The following MAP3K1 variants were observed in gnomAD, a reference collection of about 807,000 sequenced individuals.
The protein encoded by MAP3K1 is mitogen-activated protein kinase kinase kinase 1.
A neutral mutation model predicts 144.2 loss-of-function variants in MAP3K1; 36 were observed. That is an observed-to-expected ratio of 0.25 (90% confidence interval 0.19 to 0.33). MAP3K1 has a LOEUF of 0.33. Among genes scored for constraint, MAP3K1 ranks in the 10% least tolerant of loss-of-function variants. The probability of loss-of-function intolerance (pLI) is 1.00; values close to 1 mark genes in which losing one functional copy is unlikely to be tolerated. For synonymous variants in MAP3K1, 718 were observed against 688.7 expected (o/e 1.04, Z -0.67); for missense variants, 1,650 against 1,881.9 (o/e 0.88, Z 2.28).
intron 1 of MAP3K1, among the ~76,000 whole-genome samples, chr5:56,825,899 C>T (rs535664939): frequency 6.6e-6 from 1 of 152,132 alleles, no homozygotes; most frequent in South Asian, 2.1e-4. Flanking sequence ...TTCAGCAGCC[C>T]CTCAGAATGG....
chr5:56,870,154 G>A (rs77936161), intron 6 of MAP3K1, among the ~76,000 whole-genome samples: 1,700 of 152,206 alleles, frequency 0.011, 19 homozygotes, highest in Non-Finnish European at 0.014. Context: ...GGCAAAAACC[G>A]CAATTACTTT....
chr5:56,837,939 C>T (rs964931900), intron 1 of MAP3K1, among the ~76,000 whole-genome samples: 83 of 152,088 alleles, frequency 5.5e-4, no homozygotes, highest in African/African-American at 1.8e-3. Context: ...CAAGGGGACC[C>T]TAGAGCTTCA....
Position 56,895,204 on chromosome 5 carries a change from A to G in MAP3K1, c.*1524A>G, listed in dbSNP as rs1322752120. 4 of 231,934 alleles carry G rather than the reference A, an allele frequency of 1.7e-5. No homozygotes were observed. The highest frequency in any genetic ancestry group is 1.2e-4 in the East Asian group (2 of 16,382). The allele number at this position is 231,934 out of a possible 1,614,324, so 14.4% of individuals were successfully genotyped here. A position where few individuals can be genotyped will look rare whatever the true frequency, so the allele number is the denominator to read the frequency against. On this transcript the variant is annotated 3_prime_UTR_variant, in exon 20 of 20. Transcript: ENST00000399503. ...AGTTTACAGGGATATATTGCTTACA[A>G]TTTTTAAAAGGCAGTTTGTTTTTTA... is the stretch of plus-strand genomic sequence containing the variant.
Position 56,872,626 on chromosome 5 carries a change from T to G in MAP3K1, c.1424-15T>G. 6.9e-7 allele frequency: 1 copy of G among 1,459,574 alleles called. No homozygotes were observed. The highest frequency in any genetic ancestry group is 9.6e-7 in the Non-Finnish European group (1 of 1,042,126). The allele number at this position is 1,459,574 out of a possible 1,614,324, so 90.4% of individuals were successfully genotyped here. ...ATTTACATTTTTGTAAGATTTTGTT[T>G]CTGTAATTTTTCAGGGGCAGAAGAG... On this transcript the variant is annotated splice_polypyrimidine_tract_variant and intron_variant, in intron 7 of 19. Transcript: ENST00000399503.
chr5:56,823,030 C>T (rs1002971989), intron 1 of MAP3K1, among the ~76,000 whole-genome samples: 2 of 152,138 alleles, frequency 1.3e-5, no homozygotes, highest in East Asian at 1.9e-4. Flanking sequence ...CTTTGCTGTC[C>T]GTTCCAATCT....
chr5:56,883,713 T>G, intron 15 of MAP3K1, 34 bp downstream of exon 15: 1 of 1,606,302 alleles, frequency 6.2e-7, no homozygotes, highest in Non-Finnish European at 8.5e-7. Context: ...ATGAAATGAC[T>G]CAAATCACAA....
intron 1 of MAP3K1, among the ~76,000 whole-genome samples, chr5:56,833,418 C>T (rs545945489): frequency 1.3e-5 from 2 of 152,146 alleles, no homozygotes; most frequent in Non-Finnish European, 2.9e-5. Flanking sequence ...CCCAGACTGT[C>T]TGACATGCTT....
At chr5:56,854,216 C>G (rs1747263266) in intron 1 of MAP3K1, among the ~76,000 whole-genome samples, 1 of 151,770 alleles carries the variant, frequency 6.6e-6, no homozygotes, top group Admixed American at 6.6e-5. Flanking sequence ...GGTGGATCAC[C>G]TGAGGTCAGG....
chr5:56,881,613 A>G lies in MAP3K1; in HGVS notation c.2413A>G (p.Ile805Val). 1 of 1,613,952 alleles carries G rather than the reference A, an allele frequency of 6.2e-7. No homozygotes were observed. The change falls in exon 14 of 20, where the codon ATT becomes GTT. Residue 805 changes from isoleucine to valine, a missense_variant. Ile to Val is a conservative substitution (Grantham distance 29). This residue lies in a region of MAP3K1 where 841 missense variants were observed against 886.5 expected (regional missense o/e 0.95). Transcript: ENST00000399503. ...CCTCTTAACCTTTGCTTTGCAGTCCATTGATAATTCCCACTCAATGGTTGG... is the reference window on the plus strand; with the variant it reads ...CCTCTTAACCTTTGCTTTGCAGTCCGTTGATAATTCCCACTCAATGGTTGG... ...LSLLTFALQS[I>V]DNSHSMVGKL... is the part of the protein sequence containing the mutation.
chr5:56,838,018 G>C (rs1474043742), intron 1 of MAP3K1, among the ~76,000 whole-genome samples: 1 of 152,030 alleles, frequency 6.6e-6, no homozygotes, highest in Non-Finnish European at 1.5e-5. Flanking sequence ...GATAAACTAG[G>C]GTTTTATTTT....
intron 1 of MAP3K1, chr5:56,842,000 C>A (rs774802929): frequency 2.0e-5 from 3 of 152,146 alleles, no homozygotes; most frequent in Non-Finnish European, 4.4e-5. Context: ...TAATAAACAG[C>A]CAGAAAACCT....
Position 56,881,210 on chromosome 5 carries a change from T to G in MAP3K1, c.2307T>G (p.Pro769=), listed in dbSNP as rs1228040309. 7.4e-6 allele frequency: 12 copies of G among 1,613,708 alleles called. No homozygotes were observed. ...CLIDRLLLEF[P]AEFYPHIVST... is the part of the protein sequence containing the mutation. ...TAGATAGACTGTTGTTGGAATTTCCTGCTGAATTTTATCCTCATATTGTCA... is the reference window on the plus strand; with the variant it reads ...TAGATAGACTGTTGTTGGAATTTCCGGCTGAATTTTATCCTCATATTGTCA... Residue 769 remains proline, a synonymous_variant, in exon 13 of 20, where the codon CCT becomes CCG. Transcript: ENST00000399503.
intron 12 of MAP3K1, 73 bp downstream of exon 12, chr5:56,880,875 A>C: frequency 7.9e-7 from 1 of 1,261,000 alleles, no homozygotes; most frequent in Non-Finnish European, 1.2e-6. Flanking sequence ...TAATCTCATA[A>C]TCTCTCATGA....
rs561531146 is a variant in MAP3K1, at chr5:56,872,996, A to G, written c.1677A>G (p.Pro559=). 6 of 1,613,668 alleles carry G rather than the reference A, an allele frequency of 3.7e-6. No individual in the cohort carries two copies. Among genetic ancestry groups the G allele is most frequent in the Non-Finnish European group, 5.1e-6 (6 of 1,179,764 alleles). ...IPPAYKDLAE[P]WIQVFGMELV... ...CTGCTTACAAAGATTTAGCTGAGCC[A>G]TGGATTCAGGTAAGTAGTTCTTTGT... is the stretch of plus-strand genomic sequence containing the variant. Residue 559 remains proline (P), a synonymous_variant, in exon 9 of 20, where the codon CCA becomes CCG. Transcript: ENST00000399503.
chr5:56,838,324 T>TA (rs1206014179), intron 1 of MAP3K1, among the ~76,000 whole-genome samples: 1 of 152,194 alleles, frequency 6.6e-6, no homozygotes, highest in African/African-American at 2.4e-5. Flanking sequence ...AGAAAACAGT[T>TA]ATGATGAATG....
chr5:56,893,923 G>A lies in MAP3K1; in HGVS notation c.*243G>A. 1.9e-6 allele frequency: 1 copy of A among 536,616 alleles called. No individual in the cohort carries two copies. Among genetic ancestry groups the A allele is most frequent in the Non-Finnish European group, 3.4e-6 (1 of 297,856 alleles). 33.2% of individuals were successfully genotyped at this position (536,616 alleles called of 1,614,324 possible). On this transcript the variant is annotated 3_prime_UTR_variant, in exon 20 of 20. Coordinates refer to ENST00000399503, the MANE Select transcript of MAP3K1 (RefSeq NM_005921.2). ...GCCTTTCAAAGAACTGGCCCTAGGT[G>A]AACAGGAAAACAATGAAGTTTGCAT...
intron 9 of MAP3K1, among the ~76,000 whole-genome samples, chr5:56,874,795 T>C (rs1423358802): frequency 4.6e-5 from 7 of 152,214 alleles, no homozygotes; most frequent in Non-Finnish European, 8.8e-5. Flanking sequence ...GAGCTTATTA[T>C]TAATTTTACC....
At chr5:56,853,268 A>G (rs1216934103) in intron 1 of MAP3K1, among the ~76,000 whole-genome samples, 1 of 152,216 alleles carries the variant, frequency 6.6e-6, no homozygotes, top group Non-Finnish European at 1.5e-5. Context: ...AATGACATGT[A>G]ATTATTACAA....
In MAP3K1 at chr5:56,880,667, T is replaced by G. The variant is rs376267905; in HGVS notation, c.2088-44T>G. The G allele has an allele frequency of 2.7e-5, 36 of 1,331,150 alleles. No individual in the cohort carries two copies. The African/African-American group carries it at 3.6e-4, about 13-fold the overall frequency. 82.5% of individuals were successfully genotyped at this position (1,331,150 alleles called of 1,614,324 possible). On this transcript the variant is annotated intron_variant, in intron 11 of 19. Coordinates refer to ENST00000399503, the MANE Select transcript of MAP3K1 (RefSeq NM_005921.2). Reference sequence around the variant, plus strand: ...TACTCCTCTAATATTGTATAGTGTTTTAGCCAAGATCCAGGATTGATGTTG... The same window carrying G: ...TACTCCTCTAATATTGTATAGTGTTGTAGCCAAGATCCAGGATTGATGTTG...
Sources: allele counts gnomAD v4.1 joint callset (sites outside exome capture counted in the v4.1 genomes callset), GRCh38; gene constraint gnomAD v4.1.1; regional missense constraint gnomAD v4.1.1; transcripts MANE v1.5; gene names NCBI Gene and HGNC (gene_info 2026-07-23, HGNC 2026-07-21).